ZNF804B: variants seen among roughly 807,000 people sequenced by gnomAD.
The protein encoded by ZNF804B is zinc finger 804B.
ZNF804B carries 80 observed loss-of-function variants against 101.4 expected under a neutral mutation model. The observed-to-expected ratio is 0.79, with a 90% confidence interval of 0.66 to 0.95. The LOEUF is 0.95. Ranked by LOEUF, ZNF804B falls within the 40% of genes least tolerant of loss-of-function variation. ZNF804B has a pLI of 0.00. For synonymous variants in ZNF804B, 622 were observed against 558.8 expected, an observed-to-expected ratio of 1.11 and a Z score of -1.59; for missense variants, 1,673 against 1,561.9, an observed-to-expected ratio of 1.07 and a Z score of -1.20.
chr7:89,023,606 C>T (rs28415404), intron 1 of ZNF804B, among the ~76,000 whole-genome samples: 14,915 of 151,968 alleles, frequency 0.098, 796 homozygotes, highest in Non-Finnish European at 0.11. Context: ...TGTAGACTTG[C>T]GAAAGTCTTA....
chr7:89,334,542 T>G lies in ZNF804B; in HGVS notation c.1560T>G (p.Thr520=). ...TKRESQVSGL[T]EDQQKLIQED... is the part of the protein sequence containing the mutation. ...GAGAGAGCCAAGTCTCAGGTTTAACTGAAGACCAACAAAAATTGATCCAAG... is the reference window on the plus strand; with the variant it reads ...GAGAGAGCCAAGTCTCAGGTTTAACGGAAGACCAACAAAAATTGATCCAAG... Residue 520 remains threonine, a synonymous_variant, in exon 4 of 4, where the codon ACT becomes ACG. Coordinates refer to ENST00000333190, the MANE Select transcript of ZNF804B (RefSeq NM_181646.5). The G allele has an allele frequency of 6.2e-7, 1 of 1,613,650 alleles. No individual in the cohort carries two copies. The highest frequency in any genetic ancestry group is 8.5e-7 in the Non-Finnish European group (1 of 1,179,826).
chr7:88,856,487 C>G (rs1791561132), intron 1 of ZNF804B, among the ~76,000 whole-genome samples: 1 of 152,128 alleles, frequency 6.6e-6, no homozygotes, highest in African/African-American at 2.4e-5. Context: ...AGTTGCCTAT[C>G]AGCTTAAGGA....
rs1789438814 is a variant in ZNF804B at position 89,065,049 on chromosome 7, A to C, written c.109-153106A>C. ...GGAAACAGTTTGGAGGAAAAAAATC[A>C]CTAGAATTCCTCTCAGGGAAGGGTA... On this transcript the variant is annotated intron_variant, in intron 1 of 3. Coordinates refer to ENST00000333190, the MANE Select transcript of ZNF804B (RefSeq NM_181646.5). Among the ~76,000 whole-genome samples the C allele has an allele frequency of 2.7e-5, 4 of 150,044 alleles. No individual in the cohort carries two copies. The South Asian group carries it at 8.6e-4, about 32-fold the overall frequency.
intron 1 of ZNF804B, among the ~76,000 whole-genome samples, chr7:88,978,237 C>A (rs1318984986): frequency 2.6e-5 from 4 of 151,584 alleles, no homozygotes; most frequent in Non-Finnish European, 3.0e-5. Flanking sequence ...TAAATTAGGT[C>A]TATTTTTATA....
Position 89,335,479 on chromosome 7 carries a change from C to A in ZNF804B, c.2497C>A (p.Gln833Lys), listed in dbSNP as rs372144745. The A allele has an allele frequency of 1.2e-5, 19 of 1,613,860 alleles. No homozygotes were observed. Among genetic ancestry groups the A allele is most frequent in the Non-Finnish European group, 1.6e-5 (19 of 1,179,968 alleles). The change falls in exon 4 of 4, where the codon CAG becomes AAG. Residue 833 changes from glutamine (Q) to lysine (K), a missense_variant. By Grantham distance (53) the Gln-to-Lys change is moderately conservative. Transcript: ENST00000333190. ...AATCATCTATTGTGATTCTAACTCA[C>A]AGATTTCCTGTACTGGAAGCAGTAA... ...TRIIYCDSNSQISCTGSSKKP... is the reference protein window; with the variant it reads ...TRIIYCDSNSKISCTGSSKKP...
chr7:89,296,329 A>G (rs1332685535), intron 2 of ZNF804B, among the ~76,000 whole-genome samples: 10 of 152,122 alleles, frequency 6.6e-5, no homozygotes, highest in African/African-American at 1.9e-4. Context: ...TTTAAAATAA[A>G]ATGTTTGACC....
intron 1 of ZNF804B, among the ~76,000 whole-genome samples, chr7:88,872,052 G>A (rs1460085396): frequency 6.6e-6 from 1 of 152,176 alleles, no homozygotes; most frequent in African/African-American, 2.4e-5. Context: ...GATTTTCATG[G>A]TGAACTGTGT....
At chr7:88,909,031 C>T (rs980470019) in intron 1 of ZNF804B, among the ~76,000 whole-genome samples, 2 of 151,706 alleles carry the variant, frequency 1.3e-5, no homozygotes, top group African/African-American at 4.8e-5. Flanking sequence ...TTACTACTTA[C>T]TGAAGATAGA....
intron 1 of ZNF804B, among the ~76,000 whole-genome samples, chr7:89,139,317 G>A (rs1281888539): frequency 1.3e-5 from 2 of 152,064 alleles, no homozygotes; most frequent in African/African-American, 4.8e-5. Flanking sequence ...ATTGATAGCT[G>A]CTCATTCATC....
chr7:88,786,936 A>C (rs1790312101), intron 1 of ZNF804B, among the ~76,000 whole-genome samples: 1 of 152,168 alleles, frequency 6.6e-6, no homozygotes, highest in African/African-American at 2.4e-5. Context: ...AGTTGCTGGC[A>C]GGAAGATGAG....
chr7:89,321,166 A>ATT (rs112404962), intron 2 of ZNF804B, among the ~76,000 whole-genome samples: 16,923 of 152,194 alleles, frequency 0.11, 965 homozygotes, highest in Non-Finnish European at 0.12. Context: ...ATATTATAGA[A>ATT]TTTTAACATA....
chr7:89,121,163 A>T (rs1790399750), intron 1 of ZNF804B, among the ~76,000 whole-genome samples: 1 of 152,160 alleles, frequency 6.6e-6, no homozygotes, highest in African/African-American at 2.4e-5. Context: ...TTTATGACAC[A>T]TTGGTAGAGA....
chr7:89,171,343 C>CTTCTTCTTCTTCTTCTTCTTCTTCTTT (rs1791227572), intron 1 of ZNF804B, among the ~76,000 whole-genome samples: 2 of 132,376 alleles, frequency 1.5e-5, no homozygotes, highest in African/African-American at 5.7e-5. Flanking sequence ...TCTTCTTCTT[C>CTTCTTCTTCTTCTTCTTCTTCTTCTTT]TTCTTCTTCT....
At chr7:89,038,161 T>A (rs1210960513) in intron 1 of ZNF804B, among the ~76,000 whole-genome samples, 1 of 152,170 alleles carries the variant, frequency 6.6e-6, no homozygotes, top group South Asian at 2.1e-4. Context: ...CCCCTTGATA[T>A]ACTGATTTTA....
intron 1 of ZNF804B, among the ~76,000 whole-genome samples, chr7:88,953,379 C>A (rs1159292489): frequency 6.6e-6 from 1 of 151,756 alleles, no homozygotes; most frequent in Non-Finnish European, 1.5e-5. Flanking sequence ...TCACTACTCT[C>A]TCTAAATAAC....
chr7:89,177,921 C>T (rs535734825), intron 1 of ZNF804B, among the ~76,000 whole-genome samples: 2 of 147,390 alleles, frequency 1.4e-5, no homozygotes, highest in Non-Finnish European at 3.0e-5. Flanking sequence ...GGTGACAGAG[C>T]GAGACTCTGT....
At chr7:88,893,057 T>G (rs1792235861) in intron 1 of ZNF804B, among the ~76,000 whole-genome samples, 1 of 152,108 alleles carries the variant, frequency 6.6e-6, no homozygotes, top group Admixed American at 6.6e-5. Flanking sequence ...GGGTTTTAAA[T>G]TTAACCTATT....
At chr7:89,078,163 T>A (rs1789640646) in intron 1 of ZNF804B, among the ~76,000 whole-genome samples, 1 of 152,118 alleles carries the variant, frequency 6.6e-6, no homozygotes. Flanking sequence ...GTCTAAATAT[T>A]TACCATTATT....
intron 1 of ZNF804B, among the ~76,000 whole-genome samples, chr7:89,150,877 C>G (rs1790865696): frequency 6.6e-6 from 1 of 151,964 alleles, no homozygotes; most frequent in Non-Finnish European, 1.5e-5. Context: ...ATTGTGAGGC[C>G]TTTAGTTATC....
Sources: gnomAD v4.1 joint callset for allele counts (sites outside exome capture counted in the v4.1 genomes callset) on GRCh38, gnomAD v4.1.1 for gene constraint, MANE v1.5 for transcripts, NCBI Gene and HGNC (gene_info 2026-07-23, HGNC 2026-07-21) for gene names.